The following CATSPER1 variants were observed in gnomAD, a reference collection of about 807,000 sequenced individuals.
The protein encoded by CATSPER1 is cation channel sperm-associated protein 1.
In CATSPER1, 57 loss-of-function variants were observed where a neutral mutation model predicts 72.7. That is an observed-to-expected ratio of 0.78 (90% CI 0.63 to 0.98). The LOEUF (loss-of-function observed/expected upper bound fraction) is 0.98, where lower values mean the gene tolerates loss of function less well. Ranked by LOEUF, CATSPER1 falls within the 50% of genes least tolerant of loss-of-function variation. CATSPER1 has a pLI of 0.00. For missense variants in CATSPER1, 910 were observed against 1,033.9 expected, an observed-to-expected ratio of 0.88 and a Z score of 1.64; for synonymous variants, 363 against 403.0, an observed-to-expected ratio of 0.90 and a Z score of 1.19.
rs1232354426 is a variant in CATSPER1 at position 66,021,590 on chromosome 11, A to T, written c.1597T>A (p.Ser533Thr). Residue 533 changes from serine (S) to threonine (T), a missense_variant, in exon 4 of 12, where the codon TCC (serine) becomes ACC (threonine). By Grantham distance (58) the Ser-to-Thr change is moderately conservative. Transcript: ENST00000312106. ...VLDFLLMQTH[S>T]FAIYHQSLFR... ...AGGCTTTGGTGGTAGATGGCGAAGGAGTGGGTCTGCATCAGCAAGAAGTCC... is the reference window on the plus strand; with the variant it reads ...AGGCTTTGGTGGTAGATGGCGAAGGTGTGGGTCTGCATCAGCAAGAAGTCC... 2.5e-6 allele frequency: 4 copies of T among 1,612,330 alleles called. No individual in the cohort carries two copies. In the African/African-American group the frequency reaches 5.3e-5, roughly 22 times the overall value.
In CATSPER1 at chr11:66,025,613, T is replaced by C; in HGVS notation, c.767A>G (p.Tyr256Cys). 3 of 1,612,246 alleles carry C rather than the reference T, an allele frequency of 1.9e-6. No homozygotes were observed. In the South Asian group the frequency reaches 3.3e-5, roughly 18 times the overall value. ...TISPHSSVGS[Y>C]QRGISDYHSE... ...GTGATAGTCAGATATCCCACGCTGGTAGGACCCCACAGAGGAATGAGGGGA... is the reference window on the plus strand; with the variant it reads ...GTGATAGTCAGATATCCCACGCTGGCAGGACCCCACAGAGGAATGAGGGGA... The change falls in exon 1 of 12, where the codon TAC (tyrosine) becomes TGC (cysteine). Residue 256 changes from tyrosine (Y) to cysteine (C), a missense_variant. Coordinates refer to ENST00000312106, the MANE Select transcript of CATSPER1 (RefSeq NM_053054.4).
rs781566787 is a variant in CATSPER1 at position 66,025,673 on chromosome 11, T to C, written c.707A>G (p.Gln236Arg). ...HGRSRHHEAH[Q>R]HGKSPHHGET... ...TCCGTGATGAGGAGACTTTCCATGC[T>C]GGTGGGCTTCATGATGACGGGACCT... Residue 236 changes from glutamine to arginine, a missense_variant, in exon 1 of 12, where the codon CAG (glutamine) becomes CGG (arginine). Transcript: ENST00000312106. 1.2e-6 allele frequency: 2 copies of C among 1,613,842 alleles called. No individual in the cohort carries two copies. The highest frequency in any genetic ancestry group is 2.7e-5 in the African/African-American group (2 of 74,852).
In CATSPER1 at chr11:66,017,193, G is replaced by GGGGGGGGGGGGGGGGGGGGGGGGGGCC; in HGVS notation, c.2202-20_2202-19insGGCCCCCCCCCCCCCCCCCCCCCCCCC. 2.0e-6 allele frequency: 1 copy of GGGGGGGGGGGGGGGGGGGGGGGGGGCC among 493,812 alleles called. No individual in the cohort carries two copies. 30.6% of individuals were successfully genotyped at this position (493,812 alleles called of 1,614,324 possible). ...CTGCTGCCTGCGGGTGGGCGGGGGG[G>GGGGGGGGGGGGGGGGGGGGGGGGGGCC]TCGCAGAGACAGGGGCTGGGCTGAC... On this transcript the variant is annotated intron_variant, in intron 10 of 11. Transcript: ENST00000312106.
At chr11:66,024,279 T>TG (rs1856445547) in intron 1 of CATSPER1, among the ~76,000 whole-genome samples, 1 of 132,764 alleles carries the variant, frequency 7.5e-6, no homozygotes, top group Admixed American at 7.1e-5. Flanking sequence ...TTGTTTTTTT[T>TG]TTTTTTTTTT....
At chr11:66,024,874 C>A (rs1386658985) in intron 1 of CATSPER1, among the ~76,000 whole-genome samples, 3 of 152,184 alleles carry the variant, frequency 2.0e-5, no homozygotes. Context: ...GCTGCCATGG[C>A]CCAGGCAGGC....
chr11:66,025,092 C>CG, intron 1 of CATSPER1, 72 bp downstream of exon 1: 4 of 1,593,876 alleles, frequency 2.5e-6, no homozygotes, highest in Non-Finnish European at 2.6e-6. Context: ...AAGGACAGTG[C>CG]GGGGCCGAGA....
intron 9 of CATSPER1, 43 bp from the exon 10 acceptor site, chr11:66,018,945 G>C: frequency 1.3e-6 from 2 of 1,535,686 alleles, no homozygotes; most frequent in Non-Finnish European, 1.8e-6. Context: ...CCTGGATTTG[G>C]AGAGGAGGCA....
intron 10 of CATSPER1, among the ~76,000 whole-genome samples, chr11:66,018,449 T>A (rs1432337093): frequency 6.6e-6 from 1 of 152,102 alleles, no homozygotes; most frequent in South Asian, 2.1e-4. Context: ...TCCCTCCACT[T>A]GGCTGAAGTC....
chr11:66,020,871 G>GGGTGAAGATGGT lies in CATSPER1; in HGVS notation c.1855_1866dup (p.Thr619_Thr622dup). ...TCATCCAGCGTGAGCAAGGTGAAGA[G>GGGTGAAGATGGT]GGTGAAGATGGTGGTGAAGATGTTC... is the stretch of plus-strand genomic sequence containing the variant. On this transcript the variant is annotated inframe_insertion, in exon 6 of 12. Transcript: ENST00000312106. The surrounding 1 kb of genome is among the most constrained non-coding windows in gnomAD (Gnocchi z 4.5). 1.2e-6 allele frequency: 2 copies of GGGTGAAGATGGT among 1,613,974 alleles called. No individual in the cohort carries two copies. The highest frequency in any genetic ancestry group is 4.5e-5 in the East Asian group (2 of 44,882).
At chr11:66,019,707 C>T (rs547915933) in intron 9 of CATSPER1, among the ~76,000 whole-genome samples, 16 of 151,926 alleles carry the variant, frequency 1.1e-4, no homozygotes, top group African/African-American at 3.1e-4. Flanking sequence ...ACCAGCCTGG[C>T]CAACCTGGTG....
intron 1 of CATSPER1, among the ~76,000 whole-genome samples, chr11:66,023,615 C>T (rs1034803994): frequency 6.6e-6 from 1 of 151,384 alleles, no homozygotes; most frequent in Non-Finnish European, 1.5e-5. Flanking sequence ...GAGGTTGAGG[C>T]AGGCGGATCA....
At position 66,017,101 on chromosome 11, in the gene CATSPER1, G is replaced by A; in HGVS notation, c.2275C>T (p.Gln759Ter). 6.2e-7 allele frequency: 1 copy of A among 1,613,844 alleles called. No homozygotes were observed. Among genetic ancestry groups the A allele is most frequent in the Non-Finnish European group, 8.5e-7 (1 of 1,179,942 alleles). Residue 759 changes from glutamine to a stop codon, truncating the protein, a stop_gained, in exon 11 of 12, where the codon CAG becomes TAG. Transcript: ENST00000312106. LOFTEE classifies it high-confidence loss of function. ...ACAATCTCATCGATGACGGCTGCCT[G>A]GGAGCGGAACTTCTGCTGCTCCTGC... ...VEQEQQKFRS[Q>*]AAVIDEIVDT...
At chr11:66,017,560 T>A (rs935588249) in intron 10 of CATSPER1, among the ~76,000 whole-genome samples, 1 of 150,726 alleles carries the variant, frequency 6.6e-6, no homozygotes, top group Admixed American at 6.6e-5. Context: ...CTCTTCCCTG[T>A]AGCCACCCCC....
chr11:66,022,697 G>T (rs1294660509), intron 2 of CATSPER1, 152 bp downstream of exon 2: 4 of 717,544 alleles, frequency 5.6e-6, no homozygotes, highest in Non-Finnish European at 9.4e-6. Context: ...TTTCTGAGAC[G>T]CTCTCTAATA....
Position 66,017,278 on chromosome 11 carries a change from C to T in CATSPER1, c.2202-104G>A, listed in dbSNP as rs1856258798. 3 of 757,476 alleles carry T rather than the reference C, an allele frequency of 4.0e-6. No homozygotes were observed. In the South Asian group the frequency reaches 4.9e-5, roughly 12 times the overall value. 46.9% of individuals were successfully genotyped at this position (757,476 alleles called of 1,614,324 possible). A position where few individuals can be genotyped will look rare whatever the true frequency, so the allele number is the denominator to read the frequency against. Reference sequence around the variant, plus strand: ...CAGAGGCTCTTCTTGCCTGCCTCCTCCCCACAAAATTTATATGACTGCAGA... The same window carrying T: ...CAGAGGCTCTTCTTGCCTGCCTCCTTCCCACAAAATTTATATGACTGCAGA... On this transcript the variant is annotated intron_variant, in intron 10 of 11. Transcript: ENST00000312106.
Position 66,026,152 on chromosome 11 carries a change from G to A in CATSPER1, c.228C>T (p.His76=). ...FHDQALSSHV[H]QSHHHSEARN... is the part of the protein sequence containing the mutation. ...GTGCCTCGCTGTGGTGGTGAGATTG[G>A]TGGACATGGGAGGACAAGGCTTGGT... Residue 76 remains histidine, a synonymous_variant, in exon 1 of 12, where the codon CAC becomes CAT. Coordinates refer to ENST00000312106, the MANE Select transcript of CATSPER1 (RefSeq NM_053054.4). 6.2e-7 allele frequency: 1 copy of A among 1,605,876 alleles called. No individual in the cohort carries two copies. The highest frequency in any genetic ancestry group is 1.1e-5 in the South Asian group (1 of 90,908).
chr11:66,021,911 T>TC, intron 2 of CATSPER1, 32 bp from the exon 3 acceptor site: 2 of 1,518,644 alleles, frequency 1.3e-6, no homozygotes, highest in Non-Finnish European at 1.8e-6. Context: ...CTCAGAGCTG[T>TC]CCCCAGCACC....
rs745779330 is a variant in CATSPER1, at chr11:66,023,034, T to G, written c.1244A>C (p.Lys415Thr). The G allele has an allele frequency of 1.2e-6, 2 of 1,614,160 alleles. No homozygotes were observed. Among genetic ancestry groups the G allele is most frequent in the Non-Finnish European group, 1.7e-6 (2 of 1,180,036 alleles). Residue 415 changes from lysine to threonine, a missense_variant, in exon 2 of 12, where the codon AAG (lysine) becomes ACG (threonine). Coordinates refer to ENST00000312106, the MANE Select transcript of CATSPER1 (RefSeq NM_053054.4). Reference sequence around the variant, plus strand: ...CTGGAAGAGATTGGTAGAGTGTCCCTTCTTGCGGGTCCGCTGGAGCCGGCC... The same window carrying G: ...CTGGAAGAGATTGGTAGAGTGTCCCGTCTTGCGGGTCCGCTGGAGCCGGCC... The part of the protein sequence containing the change: ...KTGRLQRTRK[K>T]GHSTNLFQWL...
Position 66,020,875 on chromosome 11 carries a change from G to A in CATSPER1, c.1863C>T (p.Phe621=), listed in dbSNP as rs906897215. The part of the protein sequence containing the change: ...KRFQNIFTTI[F]TLFTLLTLDD... ...CCAGCGTGAGCAAGGTGAAGAGGGT[G>A]AAGATGGTGGTGAAGATGTTCTGGA... The change falls in exon 6 of 12, where the codon TTC becomes TTT. Residue 621 remains phenylalanine (F), a synonymous_variant. Transcript: ENST00000312106. The surrounding 1 kb of genome is among the most constrained non-coding windows in gnomAD (Gnocchi z 4.5). 1.2e-6 allele frequency: 2 copies of A among 1,613,910 alleles called. No homozygotes were observed. Among genetic ancestry groups the A allele is most frequent in the African/African-American group, 1.3e-5 (1 of 74,898 alleles).
Sources: allele counts gnomAD v4.1 joint callset (sites outside exome capture counted in the v4.1 genomes callset), GRCh38; gene constraint gnomAD v4.1.1; non-coding constraint Gnocchi (gnomAD v3.1); transcripts MANE v1.5; gene names NCBI Gene and HGNC (gene_info 2026-07-23, HGNC 2026-07-21).